The following SHISA9 variants were observed in gnomAD, a reference collection of about 807,000 sequenced individuals.
The protein encoded by SHISA9 is shisa family member 9, also known as protein shisa-9.
In SHISA9, 13 loss-of-function variants were observed where a neutral mutation model predicts 38.0. The ratio of observed to expected loss-of-function variants is 0.34; its 90% CI spans 0.22 to 0.54. The LOEUF (loss-of-function observed/expected upper bound fraction) is 0.54. Ranked by LOEUF, SHISA9 falls within the 20% of genes least tolerant of loss-of-function variation. The pLI is 0.91. For missense variants in SHISA9, 538 were observed against 575.8 expected (o/e 0.93, Z 0.67); for synonymous variants, 275 against 242.0 (o/e 1.14, Z -1.27).
intron 2 of SHISA9, among the ~76,000 whole-genome samples, chr16:13,086,273 T>C (rs1421678505): frequency 3.4e-5 from 5 of 146,072 alleles, no homozygotes; most frequent in African/African-American, 5.2e-5. Flanking sequence ...GAGAATTGCT[T>C]GAACCCGGGA....
chr16:13,198,016 C>G (rs2050964968), intron 2 of SHISA9, among the ~76,000 whole-genome samples: 1 of 152,110 alleles, frequency 6.6e-6, no homozygotes, highest in Non-Finnish European at 1.5e-5. Context: ...GAAGCCCCTT[C>G]TCTACTAAAA....
the SHISA9 span, among the ~76,000 whole-genome samples, chr16:13,390,033 T>C: frequency 6.6e-6 from 1 of 152,210 alleles, no homozygotes; most frequent in Non-Finnish European, 1.5e-5. Flanking sequence ...GTGCAAAATA[T>C]ACGACTTGAA....
intron 2 of SHISA9, among the ~76,000 whole-genome samples, chr16:12,974,871 C>T (rs1191469632): frequency 6.6e-6 from 1 of 152,118 alleles, no homozygotes; most frequent in African/African-American, 2.4e-5. Context: ...ACATCTATAA[C>T]TCTATATTTA....
rs955722726 is a variant in SHISA9 at position 12,985,573 on chromosome 16, A to G, written c.691+68758A>G. ...GAGACTGGAGGCAAGGAGCTCATCCAGAAGTGAATTACCTAATAAAAGTAA... is the reference window on the plus strand; with the variant it reads ...GAGACTGGAGGCAAGGAGCTCATCCGGAAGTGAATTACCTAATAAAAGTAA... On this transcript the variant is annotated intron_variant, in intron 2 of 4. Coordinates refer to ENST00000558583, the MANE Select transcript of SHISA9 (RefSeq NM_001145204.3). 3.3e-5 allele frequency among the ~76,000 whole-genome samples: 5 copies of G among 152,322 alleles called. No individual in the cohort carries two copies. In the South Asian group the frequency reaches 8.3e-4, roughly 25 times the overall value.
the SHISA9 span, among the ~76,000 whole-genome samples, chr16:13,375,129 C>T: frequency 5.1e-4 from 77 of 152,240 alleles, no homozygotes; most frequent in African/African-American, 1.8e-3. Context: ...GTTGCCTGTT[C>T]ACTCCGATGG....
chr16:13,197,099 GTACA>G (rs772629618), intron 2 of SHISA9, among the ~76,000 whole-genome samples: 1 of 56,124 alleles, frequency 1.8e-5, no homozygotes, highest in Non-Finnish European at 3.1e-5. Flanking sequence ...CTCTCTCTCT[GTACA>G]TACACACACA....
chr16:13,472,913 T>A, the SHISA9 span, among the ~76,000 whole-genome samples: 1 of 152,236 alleles, frequency 6.6e-6, no homozygotes, highest in Non-Finnish European at 1.5e-5. Context: ...AATACAGTTA[T>A]AATAACGATT....
intron 2 of SHISA9, among the ~76,000 whole-genome samples, chr16:12,952,095 T>C (rs2071765247): frequency 6.6e-6 from 1 of 152,206 alleles, no homozygotes; most frequent in Non-Finnish European, 1.5e-5. Context: ...CTTTTGCTAA[T>C]GCAGACGTAA....
At chr16:13,024,530 C>T (rs1468420616) in intron 2 of SHISA9, among the ~76,000 whole-genome samples, 1 of 152,174 alleles carries the variant, frequency 6.6e-6, no homozygotes, top group Non-Finnish European at 1.5e-5. Flanking sequence ...GATTTGGATT[C>T]CTTACTCCCA....
At chr16:13,477,409 C>A in the SHISA9 span, among the ~76,000 whole-genome samples, 2 of 152,116 alleles carry the variant, frequency 1.3e-5, no homozygotes, top group African/African-American at 4.8e-5. Context: ...AAAAAGAATT[C>A]TAAGGCAGAC....
chr16:13,243,550 A>C (rs1339085046), downstream of SHISA9, among the ~76,000 whole-genome samples: 25 of 152,134 alleles, frequency 1.6e-4, no homozygotes, highest in Non-Finnish European at 4.4e-5. Context: ...GGGTTGATGC[A>C]AGAGGTAGTG....
chr16:12,997,657 C>T (rs1004386789), intron 2 of SHISA9, among the ~76,000 whole-genome samples: 2 of 152,098 alleles, frequency 1.3e-5, no homozygotes, highest in East Asian at 3.9e-4. Flanking sequence ...CTGCCCACCT[C>T]AGCCTCCCAA....
At chr16:13,234,282 A>G (rs773200726) in intron 4 of SHISA9, among the ~76,000 whole-genome samples, 1 of 152,224 alleles carries the variant, frequency 6.6e-6, no homozygotes, top group South Asian at 2.1e-4. Context: ...TGAGAAATAG[A>G]AACAAACTTA....
At chr16:12,908,891 T>C (rs2071142491) in intron 1 of SHISA9, 1 of 1,052,868 alleles carries the variant, frequency 9.5e-7, no homozygotes, top group South Asian at 4.0e-5. Context: ...CAAACAGAAT[T>C]GGAAATCCAA....
intron 2 of SHISA9, among the ~76,000 whole-genome samples, chr16:13,196,336 G>T (rs1278943961): frequency 2.0e-5 from 3 of 148,618 alleles, no homozygotes; most frequent in Non-Finnish European, 3.0e-5. Context: ...GGCGGAGCTT[G>T]CAGTGAGCCG....
chr16:13,035,087 A>C (rs570658520), intron 2 of SHISA9, among the ~76,000 whole-genome samples: 1 of 152,326 alleles, frequency 6.6e-6, no homozygotes, highest in Non-Finnish European at 1.5e-5. Context: ...TTGCCCACTT[A>C]AATCTGATAT....
At chr16:13,341,816 G>A in the SHISA9 span, among the ~76,000 whole-genome samples, 4 of 152,296 alleles carry the variant, frequency 2.6e-5, no homozygotes, top group East Asian at 7.7e-4. Flanking sequence ...ACGTAGCAGA[G>A]ACATACTGAT....
At chr16:12,952,121 A>G (rs532084728) in intron 2 of SHISA9, among the ~76,000 whole-genome samples, 6 of 152,332 alleles carry the variant, frequency 3.9e-5, no homozygotes, top group South Asian at 2.1e-4. Flanking sequence ...GAATTTTTCA[A>G]TTGAGAGCAA....
the SHISA9 span, among the ~76,000 whole-genome samples, chr16:13,409,044 G>A: frequency 3.0e-4 from 45 of 152,290 alleles, 2 homozygotes; most frequent in Admixed American, 1.3e-3. Context: ...CCCAGGCTCC[G>A]GAAGCAGGAG....
Sources: gnomAD v4.1 joint callset for allele counts (sites outside exome capture counted in the v4.1 genomes callset) on GRCh38, gnomAD v4.1.1 for gene constraint, MANE v1.5 for transcripts, NCBI Gene and HGNC (gene_info 2026-07-23, HGNC 2026-07-21) for gene names.